Variants in ANO2 observed in about 807,000 individuals in gnomAD.
ANO2 encodes the protein anoctamin-2.
Under a neutral mutation model 124.2 loss-of-function variants are expected in ANO2, and 101 were observed. That is an observed-to-expected ratio of 0.81 (90% confidence interval 0.69 to 0.96). The LOEUF is 0.96. Ranked by LOEUF, ANO2 falls within the 40% of genes least tolerant of loss-of-function variation. The pLI is 0.00. For missense variants in ANO2, 1,293 were observed against 1,274.5 expected (o/e 1.01, Z -0.22); for synonymous variants, 486 against 482.5 (o/e 1.01, Z -0.09).
At chr12:5,807,901 T>A (rs1953251362) in intron 7 of ANO2, among the ~76,000 whole-genome samples, 1 of 152,210 alleles carries the variant, frequency 6.6e-6, no homozygotes, top group African/African-American at 2.4e-5. Flanking sequence ...CTGGGAGTCC[T>A]CATGAGGCTT....
At chr12:5,639,845 G>C (rs1252104769) in intron 15 of ANO2, among the ~76,000 whole-genome samples, 1 of 152,160 alleles carries the variant, frequency 6.6e-6, no homozygotes, top group Non-Finnish European at 1.5e-5. Flanking sequence ...GGGGCAGTGT[G>C]CAAATAGGGA....
At chr12:5,757,556 TAAG>T (rs1458076104) in intron 10 of ANO2, among the ~76,000 whole-genome samples, 1 of 152,158 alleles carries the variant, frequency 6.6e-6, no homozygotes, top group Middle Eastern at 3.2e-3. Context: ...AACTAAAGGG[TAAG>T]AAGAACAGTG....
At chr12:5,646,630 A>G (rs1305944598) in intron 15 of ANO2, among the ~76,000 whole-genome samples, 1 of 152,196 alleles carries the variant, frequency 6.6e-6, no homozygotes, top group East Asian at 1.9e-4. Flanking sequence ...GAAGTGCTAA[A>G]TTAAACTTTC....
At chr12:5,693,581 C>A (rs1488206402) in intron 14 of ANO2, among the ~76,000 whole-genome samples, 1 of 152,172 alleles carries the variant, frequency 6.6e-6, no homozygotes, top group African/African-American at 2.4e-5. Flanking sequence ...CTGTGGTCTT[C>A]TGCTCAGAGC....
chr12:5,704,229 T>C (rs973179377), intron 14 of ANO2, among the ~76,000 whole-genome samples: 1 of 152,108 alleles, frequency 6.6e-6, no homozygotes, highest in African/African-American at 2.4e-5. Flanking sequence ...TGGAGAAATG[T>C]ATGGGAACCC....
At chr12:5,683,303 C>T (rs1447969188) in intron 14 of ANO2, among the ~76,000 whole-genome samples, 1 of 152,136 alleles carries the variant, frequency 6.6e-6, no homozygotes, top group African/African-American at 2.4e-5. Context: ...AAAAGATTGA[C>T]GTGTCTCTCT....
chr12:5,919,854 G>C (rs972398384), intron 3 of ANO2, among the ~76,000 whole-genome samples: 1 of 152,044 alleles, frequency 6.6e-6, no homozygotes, highest in Non-Finnish European at 1.5e-5. Flanking sequence ...CCCAACACCA[G>C]GCCCAGCTAA....
At chr12:5,930,957 C>G (rs1341430769) in intron 1 of ANO2, among the ~76,000 whole-genome samples, 1 of 152,242 alleles carries the variant, frequency 6.6e-6, no homozygotes, top group Non-Finnish European at 1.5e-5. Context: ...AATGCACATG[C>G]CCCCCTTTCC....
intron 14 of ANO2, among the ~76,000 whole-genome samples, chr12:5,686,883 T>C (rs1035065): frequency 0.64 from 97,163 of 152,104 alleles, 31,865 homozygotes; most frequent in Middle Eastern, 0.75. Context: ...AGTGCATCCA[T>C]CAAGTCCCAC....
Position 5,872,918 on chromosome 12 carries a change from C to T in ANO2, c.535-18777G>A, listed in dbSNP as rs540138295. 5.9e-5 allele frequency among the ~76,000 whole-genome samples: 9 copies of T among 152,140 alleles called. No individual in the cohort carries two copies. The East Asian group carries it at 1.4e-3, about 23-fold the overall frequency. On this transcript the variant is annotated intron_variant, in intron 3 of 24. Transcript: ENST00000682330. ...TCATGGGACCATTGTGAAGATCCAGCGTGCAGAGATGTGGGAAACACTGCT... is the reference window on the plus strand; with the variant it reads ...TCATGGGACCATTGTGAAGATCCAGTGTGCAGAGATGTGGGAAACACTGCT...
At chr12:5,945,094 G>T (rs1160381776) in intron 1 of ANO2, 102 bp downstream of exon 1, 2 of 1,135,046 alleles carry the variant, frequency 1.8e-6, no homozygotes, top group Non-Finnish European at 2.3e-6. Context: ...CTCCCTTGGG[G>T]GTCCCCAATC....
rs1015564347 is a variant in ANO2, at chr12:5,767,270, G to A, written c.1056-16300C>T. On this transcript the variant is annotated intron_variant, in intron 10 of 24. Coordinates refer to ENST00000682330, the MANE Select transcript of ANO2 (RefSeq NM_001364791.2). ...GCAGGGATGCCAGAGAGAAAGTTCCGAGGCTTTAATTAAAGCTCACAGTGC... is the reference window on the plus strand; with the variant it reads ...GCAGGGATGCCAGAGAGAAAGTTCCAAGGCTTTAATTAAAGCTCACAGTGC... 3.3e-5 allele frequency among the ~76,000 whole-genome samples: 5 copies of A among 152,128 alleles called. No homozygotes were observed. In the East Asian group the frequency reaches 9.6e-4, roughly 29 times the overall value.
At chr12:5,812,498 A>G (rs62646298) in intron 7 of ANO2, among the ~76,000 whole-genome samples, 88,447 of 96,932 alleles carry the variant, frequency 0.91, 40,293 homozygotes, top group East Asian at 0.99. Context: ...GGAAGGAAGA[A>G]AGGGAGGGAG....
At chr12:5,735,289 G>T (rs1215466786) in intron 13 of ANO2, among the ~76,000 whole-genome samples, 1 of 152,122 alleles carries the variant, frequency 6.6e-6, no homozygotes, top group Non-Finnish European at 1.5e-5. Context: ...TCGAGACTCT[G>T]GGAACTGTTT....
intron 10 of ANO2, among the ~76,000 whole-genome samples, chr12:5,762,138 T>C (rs1423403320): frequency 6.6e-6 from 1 of 152,104 alleles, no homozygotes; most frequent in African/African-American, 2.4e-5. Context: ...GGTAACTACA[T>C]TCTTAGGGTG....
At chr12:5,646,738 A>T (rs992077521) in intron 15 of ANO2, among the ~76,000 whole-genome samples, 2 of 152,242 alleles carry the variant, frequency 1.3e-5, no homozygotes, top group South Asian at 4.1e-4. Flanking sequence ...ACAAATTTAG[A>T]CTTCTAAACT....
intron 16 of ANO2, among the ~76,000 whole-genome samples, chr12:5,624,997 C>A (rs1459231805): frequency 6.6e-6 from 1 of 152,086 alleles, no homozygotes; most frequent in East Asian, 1.9e-4. Context: ...GTGCAAGGAA[C>A]TGGCCAGTCC....
chr12:5,644,831 A>G (rs1313186554), intron 15 of ANO2, among the ~76,000 whole-genome samples: 2 of 152,188 alleles, frequency 1.3e-5, no homozygotes, highest in African/African-American at 4.8e-5. Context: ...TTTCTTGGGC[A>G]TAGAATTCTT....
chr12:5,783,425 C>T (rs1451793952), intron 10 of ANO2, among the ~76,000 whole-genome samples: 1 of 152,178 alleles, frequency 6.6e-6, no homozygotes, highest in East Asian at 1.9e-4. Flanking sequence ...GAATCAGTCC[C>T]ACCTTTGTTC....
Sources: allele counts gnomAD v4.1 joint callset (sites outside exome capture counted in the v4.1 genomes callset), GRCh38; gene constraint gnomAD v4.1.1; transcripts MANE v1.5; gene names NCBI Gene and HGNC (gene_info 2026-07-23, HGNC 2026-07-21).